Variants in RBFOX1 observed in about 807,000 individuals in gnomAD.
RBFOX1 encodes the protein RNA binding protein fox-1 homolog 1.
In RBFOX1, 8 loss-of-function variants were observed where a neutral mutation model predicts 57.7. That is an observed-to-expected ratio of 0.14 (90% CI 0.08 to 0.25). RBFOX1 has a LOEUF of 0.25. Among genes scored for constraint, RBFOX1 ranks in the 10% least tolerant of loss-of-function variants. The pLI, the probability that RBFOX1 is intolerant of heterozygous loss-of-function variation, is 1.00. For synonymous variants in RBFOX1, 326 were observed against 222.4 expected, an observed-to-expected ratio of 1.47 and a Z score of -4.15; for missense variants, 611 against 548.5, an observed-to-expected ratio of 1.11 and a Z score of -1.14.
intron 1 of RBFOX1, among the ~76,000 whole-genome samples, chr16:6,279,115 G>C (rs1271532401): frequency 1.3e-5 from 2 of 152,122 alleles, no homozygotes; most frequent in African/African-American, 4.8e-5. Context: ...TTCAATCTTA[G>C]TGGAATTAAC....
chr16:6,831,705 C>A (rs1033532328), intron 3 of RBFOX1, among the ~76,000 whole-genome samples: 1 of 152,112 alleles, frequency 6.6e-6, no homozygotes, highest in African/African-American at 2.4e-5. Flanking sequence ...TAACTCTTTG[C>A]CCCTTCCTCC....
At chr16:5,696,660 T>G (rs2050852855) in intron 3 of RBFOX1, among the ~76,000 whole-genome samples, 1 of 152,188 alleles carries the variant, frequency 6.6e-6, no homozygotes, top group Non-Finnish European at 1.5e-5. Flanking sequence ...TTGATGAAAA[T>G]AATTATTATA....
Position 7,358,503 on chromosome 16 carries a change from C to T in RBFOX1, c.28-159644C>T, listed in dbSNP as rs181081198. On this transcript the variant is annotated intron_variant, in intron 4 of 15. Transcript: ENST00000550418. Reference sequence around the variant, plus strand: ...CGGCGCGATCTCAGCTCACTGCAACCTCCACCTCCCGGGTTCAAGCAATTC... The same window carrying T: ...CGGCGCGATCTCAGCTCACTGCAACTTCCACCTCCCGGGTTCAAGCAATTC... Among the ~76,000 whole-genome samples the T allele has an allele frequency of 5.9e-3, 894 of 152,250 alleles. 11 individuals carry two copies. Among genetic ancestry groups the T allele is most frequent in the African/African-American group, 0.02 (833 of 41,542 alleles).
intron 4 of RBFOX1, among the ~76,000 whole-genome samples, chr16:7,143,688 C>A (rs1303877815): frequency 6.6e-6 from 1 of 152,218 alleles, no homozygotes; most frequent in Admixed American, 6.5e-5. Context: ...CGATCCTCAG[C>A]ATTAAAACTT....
intron 3 of RBFOX1, among the ~76,000 whole-genome samples, chr16:5,693,425 C>T (rs143348552): frequency 7.3e-5 from 11 of 150,244 alleles, no homozygotes; most frequent in South Asian, 2.1e-4. Context: ...GCAATGGATA[C>T]GCCTGAGTAG....
chr16:7,390,209 C>G (rs1288721598), intron 4 of RBFOX1, among the ~76,000 whole-genome samples: 1 of 152,160 alleles, frequency 6.6e-6, no homozygotes, highest in Non-Finnish European at 1.5e-5. Context: ...TCATCTCGCA[C>G]CAGACCCCTC....
intron 1 of RBFOX1, among the ~76,000 whole-genome samples, chr16:5,275,135 T>G (rs1489806610): frequency 2.0e-5 from 3 of 152,180 alleles, no homozygotes; most frequent in Admixed American, 2.0e-4. Flanking sequence ...AAGGAAGAGG[T>G]ACAGTGTATT....
chr16:6,572,141 C>T (rs1362365430), intron 2 of RBFOX1, among the ~76,000 whole-genome samples: 2 of 152,124 alleles, frequency 1.3e-5, no homozygotes, highest in African/African-American at 4.8e-5. Context: ...TCATTGTCAT[C>T]TCATTCTTTT....
intron 3 of RBFOX1, among the ~76,000 whole-genome samples, chr16:6,906,368 TAAC>T (rs938503651): frequency 1.3e-5 from 2 of 152,022 alleles, no homozygotes; most frequent in African/African-American, 4.8e-5. Context: ...AACTCGGTAA[TAAC>T]ACCGAAACTC....
chr16:5,319,416 C>T lies in RBFOX1; in HGVS notation c.219+79311C>T, dbSNP rs371136642. 2.6e-5 allele frequency among the ~76,000 whole-genome samples: 4 copies of T among 152,194 alleles called. No individual in the cohort carries two copies. The East Asian group carries it at 5.8e-4, about 22-fold the overall frequency. On this transcript the variant is annotated intron_variant, in intron 1 of 2. Coordinates refer to the RBFOX1 transcript ENST00000585867. ...TGGTCTCTGACTGTCTGCCCTCCCA[C>T]TGGTCTTTTCATTCCCTTCTTTTCC...
At chr16:6,620,311 A>G (rs967997527) in intron 2 of RBFOX1, among the ~76,000 whole-genome samples, 1 of 152,224 alleles carries the variant, frequency 6.6e-6, no homozygotes, top group Non-Finnish European at 1.5e-5. Context: ...GAACAAAGAT[A>G]AAATATACCA....
intron 2 of RBFOX1, among the ~76,000 whole-genome samples, chr16:6,622,052 T>A (rs2098240864): frequency 6.6e-6 from 1 of 152,206 alleles, no homozygotes; most frequent in Admixed American, 6.5e-5. Flanking sequence ...TGTGTTGGTT[T>A]GAGTTGGTGT....
At chr16:5,790,553 G>A (rs2054656208) in intron 3 of RBFOX1, among the ~76,000 whole-genome samples, 1 of 150,880 alleles carries the variant, frequency 6.6e-6, no homozygotes, top group South Asian at 2.1e-4. Context: ...TGTAGCACAT[G>A]TGGTAAAATG....
intron 3 of RBFOX1, among the ~76,000 whole-genome samples, chr16:5,717,558 A>G (rs889866565): frequency 3.3e-5 from 5 of 151,992 alleles, no homozygotes; most frequent in African/African-American, 1.2e-4. Flanking sequence ...ATGCTTTTGT[A>G]TCCTCATAGC....
At chr16:5,526,797 C>T (rs971246412) in intron 2 of RBFOX1, among the ~76,000 whole-genome samples, 12 of 152,132 alleles carry the variant, frequency 7.9e-5, no homozygotes, top group South Asian at 2.1e-4. Flanking sequence ...GTGTCCATAA[C>T]GTGTTTGTAG....
intron 3 of RBFOX1, among the ~76,000 whole-genome samples, chr16:6,819,736 AACACC>A: frequency 2.5e-5 from 2 of 78,464 alleles, no homozygotes; most frequent in Non-Finnish European, 2.8e-5. Flanking sequence ...AAAAAATAAC[AACACC>A]AAAAGGTATA....
chr16:6,879,356 C>G (rs2062455604), intron 3 of RBFOX1, among the ~76,000 whole-genome samples: 1 of 152,168 alleles, frequency 6.6e-6, no homozygotes, highest in Admixed American at 6.5e-5. Context: ...CCTATCTTTC[C>G]TAATTTCATC....
chr16:6,402,804 G>A lies in RBFOX1; in HGVS notation c.-64+85747G>A, dbSNP rs1314097343. Among the ~76,000 whole-genome samples the A allele has an allele frequency of 3.9e-5, 6 of 152,232 alleles. No homozygotes were observed. The East Asian group carries it at 1.2e-3, about 29-fold the overall frequency. ...GTTTCTGCCTTTGATTTAGACTGTA[G>A]CCAGTTGTGCCTGCTATCAGTTCTG... On this transcript the variant is annotated intron_variant, in intron 2 of 15. Coordinates refer to ENST00000550418, the MANE Select transcript of RBFOX1 (RefSeq NM_018723.4).
intron 4 of RBFOX1, among the ~76,000 whole-genome samples, chr16:7,094,775 T>TGTGTGTGTGG (rs879519332): frequency 2.1e-5 from 3 of 139,794 alleles, no homozygotes; most frequent in African/African-American, 7.7e-5. Flanking sequence ...TGTGTGTGTG[T>TGTGTGTGTGG]GGGTGTGTGT....
Sources: allele counts gnomAD v4.1 joint callset (sites outside exome capture counted in the v4.1 genomes callset), GRCh38; gene constraint gnomAD v4.1.1; transcripts MANE v1.5; gene names NCBI Gene and HGNC (gene_info 2026-07-23, HGNC 2026-07-21).